ADGRL4: variants seen among roughly 807,000 people sequenced by gnomAD.
ADGRL4 encodes the protein EGF, latrophilin and seven transmembrane domain containing 1.
A neutral mutation model predicts 74.8 loss-of-function variants in ADGRL4; 90 were observed. That is an observed-to-expected ratio of 1.20 (90% CI 1.02 to 1.43). The LOEUF (loss-of-function observed/expected upper bound fraction) is 1.43. ADGRL4 is among the 40% of genes most tolerant of loss of function. The pLI is 0.00. For missense variants in ADGRL4, 881 were observed against 814.3 expected (o/e 1.08, Z -1.00); for synonymous variants, 311 against 279.2 (o/e 1.11, Z -1.14).
At chr1:78,944,835 T>G (rs942163570) in intron 3 of ADGRL4, among the ~76,000 whole-genome samples, 1 of 152,086 alleles carries the variant, frequency 6.6e-6, no homozygotes, top group Non-Finnish European at 1.5e-5. Flanking sequence ...GAAGCGTAGG[T>G]ACATGAGACT....
At chr1:78,977,810 A>G (rs562068084) in intron 2 of ADGRL4, among the ~76,000 whole-genome samples, 1 of 151,978 alleles carries the variant, frequency 6.6e-6, no homozygotes, top group African/African-American at 2.4e-5. Context: ...TACAGGGATA[A>G]GCATTACCTG....
Position 78,963,905 on chromosome 1 carries a change from G to A in ADGRL4, c.173-17479C>T, listed in dbSNP as rs189812691. 1.1e-4 allele frequency among the ~76,000 whole-genome samples: 16 copies of A among 152,230 alleles called. No homozygotes were observed. In the East Asian group the frequency reaches 3.1e-3, roughly 29 times the overall value. ...TGAGTAATTTATAGCTATTTAAATTGAAAATGACACTGAGTGTAATCAAAT... is the reference window on the plus strand; with the variant it reads ...TGAGTAATTTATAGCTATTTAAATTAAAAATGACACTGAGTGTAATCAAAT... On this transcript the variant is annotated intron_variant, in intron 2 of 14. Coordinates refer to ENST00000370742, the MANE Select transcript of ADGRL4 (RefSeq NM_022159.4).
In ADGRL4 at chr1:78,950,212, G is replaced by A. The variant is rs544476138; in HGVS notation, c.173-3786C>T. Among the ~76,000 whole-genome samples the A allele has an allele frequency of 2.0e-5, 3 of 152,194 alleles. No individual in the cohort carries two copies. The South Asian group carries it at 6.2e-4, about 32-fold the overall frequency. ...GTAATGAAGTATAAGCAAGAGTTTA[G>A]ACAAACAAAAGGGGTCCCCACAATC... On this transcript the variant is annotated intron_variant, in intron 2 of 14. Transcript: ENST00000370742.
chr1:79,002,187 A>G (rs969684734), intron 2 of ADGRL4, among the ~76,000 whole-genome samples: 1 of 152,128 alleles, frequency 6.6e-6, no homozygotes, highest in Non-Finnish European at 1.5e-5. Context: ...AATGGAACAT[A>G]TACATCCAAA....
At chr1:78,941,275 A>G (rs770577577) in intron 3 of ADGRL4, among the ~76,000 whole-genome samples, 4 of 152,218 alleles carry the variant, frequency 2.6e-5, no homozygotes, top group Non-Finnish European at 5.9e-5. Flanking sequence ...GACTAGGGTT[A>G]TCACTTGTCA....
intron 2 of ADGRL4, among the ~76,000 whole-genome samples, chr1:78,993,848 C>T (rs1315447244): frequency 6.6e-6 from 1 of 152,158 alleles, no homozygotes; most frequent in African/African-American, 2.4e-5. Context: ...GCTGGGATTA[C>T]AGGCATGAGA....
intron 12 of ADGRL4, among the ~76,000 whole-genome samples, chr1:78,902,178 C>T (rs373477444): frequency 5.9e-5 from 9 of 152,172 alleles, no homozygotes; most frequent in Middle Eastern, 3.4e-3. Context: ...GATGAATAAT[C>T]GCTCTGAGAT....
At chr1:78,938,568 G>T (rs981093748) in intron 4 of ADGRL4, among the ~76,000 whole-genome samples, 2 of 151,936 alleles carry the variant, frequency 1.3e-5, no homozygotes, top group Admixed American at 1.3e-4. Context: ...CTATTCTTCA[G>T]TATAGAATTA....
intron 2 of ADGRL4, among the ~76,000 whole-genome samples, chr1:78,971,471 G>C (rs575221960): frequency 6.6e-6 from 1 of 152,048 alleles, no homozygotes; most frequent in South Asian, 2.1e-4. Context: ...TTGCAGGGGG[G>C]AAAAGCCTGG....
Position 78,917,938 on chromosome 1 carries a change from T to C in ADGRL4, c.1574A>G (p.Asn525Ser). ...LYLIVVGVIY[N>S]KGFLHKNFYI... Reference sequence around the variant, plus strand: ...AAAATTCTTGTGCAAAAATCCCTTGTTGTAGATGACACCCACAACAATGAG... The same window carrying C: ...AAAATTCTTGTGCAAAAATCCCTTGCTGTAGATGACACCCACAACAATGAG... Residue 525 changes from asparagine to serine, a missense_variant, in exon 11 of 15, where the codon AAC (asparagine) becomes AGC (serine). Physicochemically the swap from Asn to Ser is conservative, Grantham distance 46 (BLOSUM62 1). Transcript: ENST00000370742. 1 of 1,612,754 alleles carries C rather than the reference T, an allele frequency of 6.2e-7. No individual in the cohort carries two copies. The highest frequency in any genetic ancestry group is 8.5e-7 in the Non-Finnish European group (1 of 1,179,140).
At chr1:78,932,648 T>TA (rs200401505) in intron 7 of ADGRL4, among the ~76,000 whole-genome samples, 11 of 137,880 alleles carry the variant, frequency 8.0e-5, no homozygotes, top group East Asian at 2.2e-4. Context: ...AGAAGCTGGT[T>TA]AAAAAAAAAT....
chr1:78,950,494 T>C (rs1030378116), intron 2 of ADGRL4, among the ~76,000 whole-genome samples: 2 of 152,128 alleles, frequency 1.3e-5, no homozygotes, highest in African/African-American at 4.8e-5. Context: ...AAACATGTTT[T>C]CAAGGATAAA....
chr1:78,900,181 C>T (rs1013791367), intron 12 of ADGRL4, among the ~76,000 whole-genome samples: 3 of 152,042 alleles, frequency 2.0e-5, no homozygotes, highest in Non-Finnish European at 2.9e-5. Flanking sequence ...GTAGGAGCCC[C>T]GTCTCACAGC....
At chr1:78,996,664 G>A (rs1360288390) in intron 2 of ADGRL4, among the ~76,000 whole-genome samples, 1 of 152,062 alleles carries the variant, frequency 6.6e-6, no homozygotes, top group Admixed American at 6.5e-5. Flanking sequence ...GGCCTTCCAT[G>A]GTTGATCCTC....
rs150676218 is a variant in ADGRL4 at position 78,944,938 on chromosome 1, G to T, written c.325+1336C>A. The stretch of plus-strand genomic sequence containing the variant: ...CCAGCACTTTGAGAGGCTGAGGTGG[G>T]CAGATTGCCTGAGCTCAGGAGTTCA... On this transcript the variant is annotated intron_variant, in intron 3 of 14. Coordinates refer to ENST00000370742, the MANE Select transcript of ADGRL4 (RefSeq NM_022159.4). Among the ~76,000 whole-genome samples, 1,047 of 152,004 alleles carry T rather than the reference G, an allele frequency of 6.9e-3. 16 individuals carry two copies. Among genetic ancestry groups the T allele is most frequent in the African/African-American group, 0.024 (1,001 of 41,468 alleles).
At chr1:78,923,143 G>T (rs575670535) in intron 8 of ADGRL4, among the ~76,000 whole-genome samples, 2 of 151,918 alleles carry the variant, frequency 1.3e-5, no homozygotes, top group Non-Finnish European at 2.9e-5. Flanking sequence ...GTTCCTAAAA[G>T]AGCCTGGGAA....
intron 2 of ADGRL4, among the ~76,000 whole-genome samples, chr1:78,994,376 C>T (rs557525168): frequency 6.2e-4 from 94 of 152,182 alleles, no homozygotes; most frequent in Non-Finnish European, 1.2e-3. Context: ...ATACCATTCA[C>T]GGTCTTTCAA....
rs1487122679 is a variant in ADGRL4 at position 78,938,132 on chromosome 1, C to T, written c.544G>A (p.Ala182Thr). Residue 182 changes from alanine (A) to threonine (T), a missense_variant, in exon 5 of 15, where the codon GCC (alanine) becomes ACC (threonine). By Grantham distance (58) the Ala-to-Thr change is moderately conservative. Transcript: ENST00000370742. ...LLGYKNNTISAKDTLSNSTLT... is the reference protein window; with the variant it reads ...LLGYKNNTISTKDTLSNSTLT... ...GTTGAGTTAGAAAGGGTGTCCTTGGCTGAGATAGTGTTGTTCTTGTAACCT... is the reference window on the plus strand; with the variant it reads ...GTTGAGTTAGAAAGGGTGTCCTTGGTTGAGATAGTGTTGTTCTTGTAACCT... 2 of 1,613,000 alleles carry T rather than the reference C, an allele frequency of 1.2e-6. No individual in the cohort carries two copies. The highest frequency in any genetic ancestry group is 1.3e-5 in the African/African-American group (1 of 74,842).
intron 2 of ADGRL4, among the ~76,000 whole-genome samples, chr1:78,980,309 C>T (rs993006275): frequency 1.1e-4 from 16 of 151,716 alleles, no homozygotes; most frequent in African/African-American, 3.6e-4. Context: ...TTTCTCTAGG[C>T]CTTTATTCTG....
Sources: allele counts gnomAD v4.1 joint callset (sites outside exome capture counted in the v4.1 genomes callset), GRCh38; gene constraint gnomAD v4.1.1; transcripts MANE v1.5; gene names NCBI Gene and HGNC (gene_info 2026-07-23, HGNC 2026-07-21).